Variants in RECK observed in about 807,000 individuals in gnomAD.
RECK encodes the protein reversion inducing cysteine rich protein with kazal motifs, also known as reversion-inducing cysteine-rich protein with Kazal motifs.
Under a neutral mutation model 115.1 loss-of-function variants are expected in RECK, and 69 were observed. The observed-to-expected ratio is 0.60, with a 90% CI of 0.49 to 0.73. The LOEUF is 0.73. Among genes scored for constraint, RECK ranks in the 30% least tolerant of loss-of-function variants. The probability of loss-of-function intolerance (pLI) is 0.00; values close to 1 mark genes in which losing one functional copy is unlikely to be tolerated. For missense variants in RECK, 1,047 were observed against 1,203.7 expected (o/e 0.87, Z 1.93); for synonymous variants, 414 against 419.7 (o/e 0.99, Z 0.17).
intron 6 of RECK, among the ~76,000 whole-genome samples, chr9:36,076,957 G>T (rs1476009515): frequency 6.6e-6 from 1 of 152,094 alleles, no homozygotes; most frequent in Non-Finnish European, 1.5e-5. Flanking sequence ...CCCTGGCTCT[G>T]CCCTTTGCTT....
At chr9:36,061,393 T>C (rs1047045300) in intron 4 of RECK, among the ~76,000 whole-genome samples, 2 of 129,030 alleles carry the variant, frequency 1.6e-5, no homozygotes. Flanking sequence ...TGTAATTTTC[T>C]ACACACACAC....
intron 16 of RECK, among the ~76,000 whole-genome samples, chr9:36,116,477 C>T (rs1250530301): frequency 1.3e-5 from 2 of 152,168 alleles, no homozygotes; most frequent in African/African-American, 4.8e-5. Context: ...AAGTTAAGCC[C>T]GTGGAAGTGT....
intron 13 of RECK, among the ~76,000 whole-genome samples, chr9:36,106,584 G>A (rs372281566): frequency 1.5e-4 from 23 of 151,988 alleles, no homozygotes; most frequent in African/African-American, 5.1e-4. Flanking sequence ...AAATAAGCAT[G>A]ATGTCTCAAA....
At chr9:36,087,618 T>C in intron 8 of RECK, 76 bp from the exon 9 acceptor site, 2 of 1,462,840 alleles carry the variant, frequency 1.4e-6, no homozygotes, top group South Asian at 2.6e-5. Context: ...TCTGCACATG[T>C]ATCCCAGAAC....
intron 2 of RECK, among the ~76,000 whole-genome samples, chr9:36,053,663 A>T (rs1821397430): frequency 6.6e-6 from 1 of 152,124 alleles, no homozygotes; most frequent in African/African-American, 2.4e-5. Context: ...GACTTACCTG[A>T]CTTTTCACTT....
intron 13 of RECK, 84 bp downstream of exon 13, chr9:36,105,367 C>A: frequency 7.4e-7 from 1 of 1,349,696 alleles, no homozygotes; most frequent in African/African-American, 1.4e-5. Context: ...TTTTTCAATC[C>A]TGCTCCTTCT....
chr9:36,081,499 G>A (rs1203381459), intron 7 of RECK, among the ~76,000 whole-genome samples: 2 of 152,078 alleles, frequency 1.3e-5, no homozygotes, highest in African/African-American at 2.4e-5. Context: ...CACCCCCAAT[G>A]TATCCTCACT....
At chr9:36,091,866 A>G (rs1326036268) in intron 10 of RECK, among the ~76,000 whole-genome samples, 1 of 152,234 alleles carries the variant, frequency 6.6e-6, no homozygotes, top group Non-Finnish European at 1.5e-5. Flanking sequence ...TGGTTGAAGA[A>G]ACCAAAGAAA....
chr9:36,039,888 C>T (rs184186925), intron 1 of RECK, among the ~76,000 whole-genome samples: 50 of 152,290 alleles, frequency 3.3e-4, no homozygotes, highest in African/African-American at 1.1e-3. Context: ...TGGTGATAGA[C>T]CAGATATGAC....
At chr9:36,064,623 G>A (rs771152117) in intron 5 of RECK, among the ~76,000 whole-genome samples, 2 of 152,148 alleles carry the variant, frequency 1.3e-5, no homozygotes, top group Admixed American at 6.6e-5. Flanking sequence ...TCACAGAGAC[G>A]ACTATCCTAT....
At position 36,100,520 on chromosome 9, in the gene RECK, A is replaced by G; in HGVS notation, c.1275A>G (p.Lys425=). ...CSLQIKPCHS[K]SRGSIICKSD... is the part of the protein sequence containing the mutation. ...TGCAGATTAAACCTTGTCATAGTAA[A>G]TCTCGGGGAAGTATTATTTGCAAGT... is the stretch of plus-strand genomic sequence containing the variant. Residue 425 remains lysine (K), a synonymous_variant, in exon 11 of 21, where the codon AAA becomes AAG. Coordinates refer to ENST00000377966, the MANE Select transcript of RECK (RefSeq NM_021111.3). 6.2e-7 allele frequency: 1 copy of G among 1,613,808 alleles called. No homozygotes were observed. Among genetic ancestry groups the G allele is most frequent in the African/African-American group, 1.3e-5 (1 of 75,054 alleles).
chr9:36,087,814 A>G lies in RECK; in HGVS notation c.758A>G (p.Gln253Arg), dbSNP rs759153657. The part of the protein sequence containing the change: ...VDGLIEGCKT[Q>R]PLPQDPLWQC... ...GGTCTCATCGAGGGTTGTAAGACCCAGCCCTTGCCTCAAGATCCTCTTTGG... is the reference window on the plus strand; with the variant it reads ...GGTCTCATCGAGGGTTGTAAGACCCGGCCCTTGCCTCAAGATCCTCTTTGG... Residue 253 changes from glutamine to arginine, a missense_variant, in exon 9 of 21, where the codon CAG becomes CGG. Gln to Arg is a conservative substitution (Grantham distance 43, BLOSUM62 1). Coordinates refer to ENST00000377966, the MANE Select transcript of RECK (RefSeq NM_021111.3). The G allele has an allele frequency of 3.7e-6, 6 of 1,614,002 alleles. No homozygotes were observed. The highest frequency in any genetic ancestry group is 5.1e-6 in the Non-Finnish European group (6 of 1,179,980).
chr9:36,058,805 C>CTTTTT, intron 2 of RECK, 22 bp from the exon 3 acceptor site: 1 of 1,235,204 alleles, frequency 8.1e-7, no homozygotes, highest in East Asian at 2.7e-5. Flanking sequence ...GCCACAAAAA[C>CTTTTT]TTTTTTTTTT....
chr9:36,083,250 G>A, intron 7 of RECK, 115 bp from the exon 8 acceptor site: 1 of 1,082,970 alleles, frequency 9.2e-7, no homozygotes, highest in Non-Finnish European at 1.3e-6. Context: ...CATCGTCTGT[G>A]GCATGGTTTT....
chr9:36,106,317 C>T (rs753538506), intron 13 of RECK, among the ~76,000 whole-genome samples: 1 of 151,670 alleles, frequency 6.6e-6, no homozygotes, highest in South Asian at 2.1e-4. Context: ...TCACTGCAAC[C>T]TCTACCTCCT....
intron 6 of RECK, among the ~76,000 whole-genome samples, chr9:36,075,966 T>A (rs2132612295): frequency 6.6e-6 from 1 of 152,188 alleles, no homozygotes. Flanking sequence ...TTGATGAAAA[T>A]GAGAGAGAGC....
intron 6 of RECK, among the ~76,000 whole-genome samples, chr9:36,076,424 A>G (rs1396895684): frequency 6.6e-6 from 1 of 152,212 alleles, no homozygotes; most frequent in African/African-American, 2.4e-5. Context: ...AAGGAAAACC[A>G]GTGTGGCATG....
rs546491957 is a variant in RECK, at chr9:36,075,527, T to A, written c.406-5078T>A. Among the ~76,000 whole-genome samples, 43 of 152,362 alleles carry A rather than the reference T, an allele frequency of 2.8e-4. 1 individual carries two copies. The South Asian group carries it at 8.3e-3, about 29-fold the overall frequency. Reference sequence around the variant, plus strand: ...TTTCCAAGTCATGACATTAAACTCCTTACATATTCTAGTCATCTATACTTT... The same window carrying A: ...TTTCCAAGTCATGACATTAAACTCCATACATATTCTAGTCATCTATACTTT... On this transcript the variant is annotated intron_variant, in intron 6 of 20. Transcript: ENST00000377966.
intron 6 of RECK, among the ~76,000 whole-genome samples, chr9:36,073,137 T>G (rs1391972534): frequency 6.6e-6 from 1 of 151,800 alleles, no homozygotes; most frequent in Admixed American, 6.6e-5. Flanking sequence ...ATTGATTGAT[T>G]TTAAATCAAC....
Sources: allele counts gnomAD v4.1 joint callset (sites outside exome capture counted in the v4.1 genomes callset), GRCh38; gene constraint gnomAD v4.1.1; transcripts MANE v1.5; gene names NCBI Gene and HGNC (gene_info 2026-07-23, HGNC 2026-07-21).